GALNT13: variants seen among roughly 807,000 people sequenced by gnomAD.
The protein encoded by GALNT13 is UDP-GalNAc:polypeptide N-acetylgalactosaminyltransferase 13.
GALNT13 carries 28 observed loss-of-function variants against 64.2 expected under a neutral mutation model. The observed-to-expected ratio is 0.44, with a 90% CI of 0.32 to 0.60. The LOEUF is 0.60. GALNT13 is among the 20% of genes least tolerant of loss of function. The pLI, the probability that GALNT13 is intolerant of heterozygous loss-of-function variation, is 0.05. For missense variants in GALNT13, 577 were observed against 669.8 expected, an observed-to-expected ratio of 0.86 and a Z score of 1.53; for synonymous variants, 214 against 224.6, an observed-to-expected ratio of 0.95 and a Z score of 0.42.
At chr2:153,620,980 C>T in the GALNT13 span, among the ~76,000 whole-genome samples, 1 of 152,114 alleles carries the variant, frequency 6.6e-6, no homozygotes, top group African/African-American at 2.4e-5. Flanking sequence ...ACACTCCAAG[C>T]CCAGTAACAC....
At chr2:153,320,890 A>G in the GALNT13 span, among the ~76,000 whole-genome samples, 2 of 152,332 alleles carry the variant, frequency 1.3e-5, no homozygotes, top group Admixed American at 6.5e-5. Context: ...GCACATTTAT[A>G]TATCTTTTAA....
the GALNT13 span, among the ~76,000 whole-genome samples, chr2:153,695,669 T>C: frequency 1.3e-5 from 2 of 152,340 alleles, no homozygotes; most frequent in South Asian, 4.1e-4. Context: ...CCTAACATTT[T>C]AATAAAGTTA....
At chr2:153,632,795 C>A in the GALNT13 span, among the ~76,000 whole-genome samples, 1 of 151,476 alleles carries the variant, frequency 6.6e-6, no homozygotes, top group Non-Finnish European at 1.5e-5. Flanking sequence ...TCTTTTTGCC[C>A]AGGCTAGAGT....
At chr2:153,908,786 T>TA (rs397748005) in intron 2 of GALNT13, among the ~76,000 whole-genome samples, 1 of 151,992 alleles carries the variant, frequency 6.6e-6, no homozygotes. Flanking sequence ...GCCATTTTTT[T>TA]ATTGTAGCTC....
chr2:153,729,113 A>C, the GALNT13 span, among the ~76,000 whole-genome samples: 1 of 152,180 alleles, frequency 6.6e-6, no homozygotes, highest in Non-Finnish European at 1.5e-5. Flanking sequence ...ATAGAAAAAG[A>C]AGGACTACTC....
At chr2:153,557,346 C>T in the GALNT13 span, among the ~76,000 whole-genome samples, 6 of 152,280 alleles carry the variant, frequency 3.9e-5, no homozygotes, top group African/African-American at 7.2e-5. Flanking sequence ...TTCACAAATA[C>T]GAAATCACCT....
Position 154,351,682 on chromosome 2 carries a change from C to CAAAAAAAAAAAAAAAAAAAAAAAAAA in GALNT13, c.1157-44296_1157-44271dup, listed in dbSNP as rs567606376. 6.7e-5 allele frequency among the ~76,000 whole-genome samples: 3 copies of CAAAAAAAAAAAAAAAAAAAAAAAAAA among 44,668 alleles called. 1 individual carries two copies. Among genetic ancestry groups the CAAAAAAAAAAAAAAAAAAAAAAAAAA allele is most frequent in the East Asian group, 9.9e-4 (1 of 1,006 alleles). The allele number at this position is 44,668 out of a possible 152,430, so 29.3% of individuals were successfully genotyped here. On this transcript the variant is annotated intron_variant, in intron 9 of 12. Transcript: ENST00000392825. ...TGGGCGACAAAGCGAGACTCCGTCT[C>CAAAAAAAAAAAAAAAAAAAAAAAAAA]AAAAAAAAAAAAAAAAAAAAAAAAA...
the GALNT13 span, among the ~76,000 whole-genome samples, chr2:153,280,036 A>G: frequency 1.3e-5 from 2 of 152,088 alleles, no homozygotes; most frequent in African/African-American, 4.8e-5. Context: ...TACTGATTCA[A>G]TATTGGAACT....
chr2:154,445,048 G>A (rs1373258552), intron 12 of GALNT13, among the ~76,000 whole-genome samples: 1 of 151,886 alleles, frequency 6.6e-6, no homozygotes, highest in Admixed American at 6.6e-5. Context: ...AGAAAAAAAT[G>A]AACTATGCTT....
chr2:153,076,068 A>T, the GALNT13 span, among the ~76,000 whole-genome samples: 7 of 152,216 alleles, frequency 4.6e-5, no homozygotes, highest in East Asian at 1.4e-3. Flanking sequence ...AATGCCATTG[A>T]TAGCTTTGTA....
the GALNT13 span, among the ~76,000 whole-genome samples, chr2:153,791,528 A>G: frequency 6.6e-6 from 1 of 152,168 alleles, no homozygotes; most frequent in Non-Finnish European, 1.5e-5. Flanking sequence ...GCAATCCCTC[A>G]AAGAGTTAAA....
At chr2:153,205,004 T>G in the GALNT13 span, among the ~76,000 whole-genome samples, 11 of 152,158 alleles carry the variant, frequency 7.2e-5, no homozygotes, top group African/African-American at 2.4e-4. Context: ...GTAAAAGTCT[T>G]GAAGCAAAGA....
At chr2:154,325,843 A>G (rs1694849582) in intron 9 of GALNT13, among the ~76,000 whole-genome samples, 3 of 152,098 alleles carry the variant, frequency 2.0e-5, no homozygotes, top group Admixed American at 1.3e-4. Context: ...AGGCATATAG[A>G]GATCAGCTGT....
At chr2:153,543,663 A>G in the GALNT13 span, among the ~76,000 whole-genome samples, 12 of 152,306 alleles carry the variant, frequency 7.9e-5, no homozygotes, top group African/African-American at 2.4e-4. Context: ...AGAAAACTCA[A>G]TAAATGCCTG....
the GALNT13 span, among the ~76,000 whole-genome samples, chr2:153,649,058 A>G: frequency 6.6e-6 from 1 of 151,962 alleles, no homozygotes; most frequent in South Asian, 2.1e-4. Flanking sequence ...TCCACCTTGT[A>G]CCTCTGGTAG....
the GALNT13 span, among the ~76,000 whole-genome samples, chr2:153,069,246 G>A: frequency 6.6e-6 from 1 of 152,246 alleles, no homozygotes; most frequent in South Asian, 2.1e-4. Flanking sequence ...TTCTAGAAAG[G>A]TTTTGTCACT....
chr2:154,431,458 C>T (rs1342974603), intron 11 of GALNT13, among the ~76,000 whole-genome samples: 1 of 152,008 alleles, frequency 6.6e-6, no homozygotes, highest in Non-Finnish European at 1.5e-5. Context: ...AATGTGGACA[C>T]CTAGTCTTTC....
the GALNT13 span, among the ~76,000 whole-genome samples, chr2:153,203,064 C>T: frequency 6.6e-6 from 1 of 152,108 alleles, no homozygotes; most frequent in Non-Finnish European, 1.5e-5. Flanking sequence ...CCATTAAGGC[C>T]GTCTCTGAGG....
At chr2:153,214,934 A>G in the GALNT13 span, among the ~76,000 whole-genome samples, 2 of 152,070 alleles carry the variant, frequency 1.3e-5, no homozygotes, top group South Asian at 4.1e-4. Context: ...GTATCCACCA[A>G]CAAAACTAAG....
Sources: allele counts gnomAD v4.1 joint callset (sites outside exome capture counted in the v4.1 genomes callset), GRCh38; gene constraint gnomAD v4.1.1; transcripts MANE v1.5; gene names NCBI Gene and HGNC (gene_info 2026-07-23, HGNC 2026-07-21).